Variants in CALCR observed in about 807,000 individuals in gnomAD.
CALCR encodes calcitonin receptor.
A neutral mutation model predicts 59.5 loss-of-function variants in CALCR; 47 were observed. The ratio of observed to expected loss-of-function variants is 0.79; its 90% CI spans 0.63 to 1.01. CALCR has a LOEUF of 1.01. Ranked by LOEUF, CALCR falls within the 50% of genes least tolerant of loss-of-function variation. The pLI is 0.00. For synonymous variants in CALCR, 213 were observed against 211.3 expected, an observed-to-expected ratio of 1.01 and a Z score of -0.07; for missense variants, 566 against 597.1, an observed-to-expected ratio of 0.95 and a Z score of 0.54.
rs532698494 is a variant in CALCR, at chr7:93,523,448, C to T, written c.-26-36441G>A. Among the ~76,000 whole-genome samples, 120 of 152,226 alleles carry T rather than the reference C, an allele frequency of 7.9e-4. 1 individual carries two copies. The highest frequency in any genetic ancestry group is 1.3e-3 in the Admixed American group (20 of 15,276). Reference sequence around the variant, plus strand: ...TTCCTCTCCTGGACTGTGAGGTTATCGAGGGCAGAGACTGTGTCTTATTCG... The same window carrying T: ...TTCCTCTCCTGGACTGTGAGGTTATTGAGGGCAGAGACTGTGTCTTATTCG... On this transcript the variant is annotated intron_variant, in intron 2 of 13. Coordinates refer to ENST00000426151, the MANE Select transcript of CALCR (RefSeq NM_001742.4).
chr7:93,534,448 A>C (rs1788931260), intron 2 of CALCR, among the ~76,000 whole-genome samples: 3 of 151,702 alleles, frequency 2.0e-5, no homozygotes, highest in African/African-American at 7.2e-5. Flanking sequence ...GAGTGCATAG[A>C]ATTGCTCAAG....
chr7:93,505,983 A>G (rs900069803), intron 2 of CALCR, among the ~76,000 whole-genome samples: 1 of 152,150 alleles, frequency 6.6e-6, no homozygotes, highest in Non-Finnish European at 1.5e-5. Context: ...TTTGGGCCCT[A>G]TGTAAATCAG....
At chr7:93,428,414 G>A (rs1035300835) in intron 13 of CALCR, among the ~76,000 whole-genome samples, 1 of 152,216 alleles carries the variant, frequency 6.6e-6, no homozygotes, top group Admixed American at 6.5e-5. Context: ...TTAAATGCCA[G>A]GGTTATAATC....
At chr7:93,476,269 T>G (rs1207735198) in intron 5 of CALCR, among the ~76,000 whole-genome samples, 1 of 151,826 alleles carries the variant, frequency 6.6e-6, no homozygotes, top group Non-Finnish European at 1.5e-5. Flanking sequence ...TGTCAGCCTC[T>G]TTTGAATTTC....
At chr7:93,493,593 A>G (rs1428420203) in intron 2 of CALCR, among the ~76,000 whole-genome samples, 3 of 151,448 alleles carry the variant, frequency 2.0e-5, no homozygotes, top group African/African-American at 7.3e-5. Context: ...CTCGTGTTCT[A>G]TATTAAAATG....
intron 3 of CALCR, among the ~76,000 whole-genome samples, chr7:93,482,451 C>A (rs554529103): frequency 1.8e-4 from 27 of 151,864 alleles, no homozygotes; most frequent in African/African-American, 6.0e-4. Context: ...ATATATAAAT[C>A]TTATCTGTCA....
chr7:93,511,187 A>G (rs1801539548), intron 2 of CALCR, among the ~76,000 whole-genome samples: 1 of 152,136 alleles, frequency 6.6e-6, no homozygotes, highest in South Asian at 2.1e-4. Context: ...ATAAATCATA[A>G]ACACAGTAAC....
chr7:93,444,959 G>A (rs1799981645), intron 8 of CALCR, among the ~76,000 whole-genome samples: 2 of 152,054 alleles, frequency 1.3e-5, no homozygotes, highest in South Asian at 4.1e-4. Context: ...CATAAGAGTA[G>A]TAATTCGTTT....
At chr7:93,447,617 T>C (rs1800031149) in intron 8 of CALCR, among the ~76,000 whole-genome samples, 1 of 151,904 alleles carries the variant, frequency 6.6e-6, no homozygotes, top group South Asian at 2.1e-4. Flanking sequence ...CGAAAAGCAA[T>C]GATCATGGCC....
intron 13 of CALCR, among the ~76,000 whole-genome samples, chr7:93,429,914 GTT>G (rs1265452842): frequency 2.2e-5 from 2 of 91,850 alleles, no homozygotes; most frequent in Non-Finnish European, 4.4e-5. Flanking sequence ...ACTTTAGACG[GTT>G]TTTTTTTTTG....
Position 93,486,987 on chromosome 7 carries a change from A to C in CALCR, c.-6T>G, listed in dbSNP as rs2301680. ...CTTGTAAATGTGAACCTCATTTTTGATTTTTGAAGATCTCTTTGTCCTAGA... is the reference window on the plus strand; with the variant it reads ...CTTGTAAATGTGAACCTCATTTTTGCTTTTTGAAGATCTCTTTGTCCTAGA... On this transcript the variant is annotated 5_prime_UTR_variant, in exon 3 of 14. Transcript: ENST00000426151. 6.3e-7 allele frequency: 1 copy of C among 1,585,398 alleles called. No homozygotes were observed. Among genetic ancestry groups the C allele is most frequent in the Non-Finnish European group, 8.6e-7 (1 of 1,158,244 alleles).
chr7:93,563,779 G>A (rs1789798978), intron 2 of CALCR, among the ~76,000 whole-genome samples: 1 of 152,114 alleles, frequency 6.6e-6, no homozygotes, highest in Admixed American at 6.5e-5. Context: ...TCCCTTTTCT[G>A]ATTTACTTAC....
At chr7:93,542,835 T>C (rs568540146) in intron 2 of CALCR, among the ~76,000 whole-genome samples, 2 of 152,282 alleles carry the variant, frequency 1.3e-5, no homozygotes, top group East Asian at 1.9e-4. Flanking sequence ...TCTACCTTCA[T>C]ATCTTATTCC....
At chr7:93,469,232 T>C (rs566307887) in intron 6 of CALCR, among the ~76,000 whole-genome samples, 1 of 151,766 alleles carries the variant, frequency 6.6e-6, no homozygotes, top group African/African-American at 2.4e-5. Context: ...CCAGAGAGTA[T>C]GGTGGCAGGT....
At chr7:93,556,773 G>C (rs1166575744) in intron 2 of CALCR, among the ~76,000 whole-genome samples, 1 of 151,818 alleles carries the variant, frequency 6.6e-6, no homozygotes, top group Non-Finnish European at 1.5e-5. Context: ...ATAGGTGTAT[G>C]GCATAATACA....
intron 2 of CALCR, chr7:93,495,759 C>A: frequency 1.3e-6 from 1 of 749,206 alleles, no homozygotes; most frequent in South Asian, 1.7e-5. Context: ...TTAATGCAGA[C>A]CCTAAACCAG....
chr7:93,482,049 T>C (rs1800809024), intron 3 of CALCR, among the ~76,000 whole-genome samples: 1 of 151,880 alleles, frequency 6.6e-6, no homozygotes, highest in Non-Finnish European at 1.5e-5. Context: ...TTCTGATACT[T>C]GAAATTATGA....
chr7:93,534,210 T>C (rs995535562), intron 2 of CALCR, among the ~76,000 whole-genome samples: 5 of 151,946 alleles, frequency 3.3e-5, no homozygotes, highest in Admixed American at 1.3e-4. Context: ...ATATTTACAA[T>C]AGCCCTAAGA....
chr7:93,556,127 C>T (rs1405403791), intron 2 of CALCR, among the ~76,000 whole-genome samples: 2 of 152,092 alleles, frequency 1.3e-5, no homozygotes, highest in Non-Finnish European at 2.9e-5. Flanking sequence ...CTTGGGGATA[C>T]TTGAATTTTT....
Sources: gnomAD v4.1 joint callset for allele counts (sites outside exome capture counted in the v4.1 genomes callset) on GRCh38, gnomAD v4.1.1 for gene constraint, MANE v1.5 for transcripts, NCBI Gene and HGNC (gene_info 2026-07-23, HGNC 2026-07-21) for gene names.